TCHP: variants seen among roughly 807,000 people sequenced by gnomAD.
TCHP encodes the protein trichoplein keratin filament binding.
TCHP carries 81 observed loss-of-function variants against 88.7 expected under a neutral mutation model. The observed-to-expected ratio is 0.91, with a 90% CI of 0.76 to 1.10. The LOEUF is 1.10. Among genes scored for constraint, TCHP ranks in the 50% least tolerant of loss-of-function variants. The pLI is 0.00. For synonymous variants in TCHP, 232 were observed against 232.5 expected, an observed-to-expected ratio of 1.00 and a Z score of 0.02; for missense variants, 641 against 632.1, an observed-to-expected ratio of 1.01 and a Z score of -0.15.
At position 109,915,478 on chromosome 12, in the gene TCHP, G is replaced by A. The variant is rs771666419; in HGVS notation, c.1396G>A (p.Glu466Lys). ...EEEEEEARRVEQLSDALLQQE... is the reference protein window; with the variant it reads ...EEEEEEARRVKQLSDALLQQE... ...GGAAGAGGAGGAGGCCCGGCGGGTC[G>A]AGCAGCTCTCAGATGCCCTGCTGCA... Residue 466 changes from glutamate (E) to lysine (K), a missense_variant, in exon 12 of 13, where the codon GAG (glutamate) becomes AAG (lysine). Physicochemically the swap from Glu to Lys is moderately conservative, Grantham distance 56. Coordinates refer to ENST00000405876, the MANE Select transcript of TCHP (RefSeq NM_001143852.2). 5 of 1,613,950 alleles carry A rather than the reference G, an allele frequency of 3.1e-6. No individual in the cohort carries two copies. The highest frequency in any genetic ancestry group is 4.5e-5 in the East Asian group (2 of 44,890).
At position 109,911,129 on chromosome 12, in the gene TCHP, GC is replaced by G. The variant is rs1402363187; in HGVS notation, c.948del (p.Arg317GlyfsTer12). ...GGACGAGAGCCAGCGCCTCCACCTG[GC>G]CAGGCGGGAGCAGGTCATGGCCGAT... ...KEDESQRLHL[A>X]RREQVMADVA... On this transcript the variant is annotated frameshift_variant, in exon 9 of 13. Coordinates refer to ENST00000405876, the MANE Select transcript of TCHP (RefSeq NM_001143852.2). LOFTEE classifies it high-confidence loss of function. The G allele has an allele frequency of 6.3e-7, 1 of 1,597,124 alleles. No individual in the cohort carries two copies.
At position 109,905,762 on chromosome 12, in the gene TCHP, G is replaced by T. The variant is rs560894041; in HGVS notation, c.457-810G>T. 3.3e-5 allele frequency among the ~76,000 whole-genome samples: 5 copies of T among 152,348 alleles called. No individual in the cohort carries two copies. The East Asian group carries it at 9.6e-4, about 29-fold the overall frequency. On this transcript the variant is annotated intron_variant, in intron 4 of 12. Transcript: ENST00000405876. The surrounding 1 kb of genome is among the most constrained non-coding windows in gnomAD (Gnocchi z 4.0). The stretch of plus-strand genomic sequence containing the variant: ...CACTAATCTGTGGGAGGACTCCTTA[G>T]CCCTGTTGGCTTCGGTGGAATCATC...
intron 1 of TCHP, chr12:109,900,940 T>A (rs1869753874): frequency 6.6e-6 from 1 of 152,266 alleles, no homozygotes; most frequent in South Asian, 2.1e-4. Context: ...AGCTTTTGGG[T>A]CAGGGGAATT....
chr12:109,914,613 G>A lies in TCHP; in HGVS notation c.1306G>A (p.Glu436Lys), dbSNP rs769119432. ...SEKLKSARKQ[E>K]LEAQVAERRL... Reference sequence around the variant, plus strand: ...AAAGCTGAAATCGGCCAGGAAGCAGGAGCTGGAAGCCCAGGTAGGGCTGAG... The same window carrying A: ...AAAGCTGAAATCGGCCAGGAAGCAGAAGCTGGAAGCCCAGGTAGGGCTGAG... Residue 436 changes from glutamate to lysine, a missense_variant, in exon 11 of 13, where the codon GAG becomes AAG. Physicochemically the swap from Glu to Lys is moderately conservative, Grantham distance 56. Transcript: ENST00000405876. 50 of 1,611,432 alleles carry A rather than the reference G, an allele frequency of 3.1e-5. 1 individual carries two copies. In the South Asian group the frequency reaches 5.3e-4, roughly 17 times the overall value.
In TCHP at chr12:109,907,553, A is replaced by G; in HGVS notation, c.553A>G (p.Lys185Glu). 6.2e-7 allele frequency: 1 copy of G among 1,614,250 alleles called. No individual in the cohort carries two copies. The highest frequency in any genetic ancestry group is 8.5e-7 in the Non-Finnish European group (1 of 1,180,046). Reference protein sequence around the residue: ...QQEATAEQENKRYENEYERAR... With the variant: ...QQEATAEQENERYENEYERAR... The stretch of plus-strand genomic sequence containing the variant: ...AGAAGCCACCGCAGAGCAAGAGAAC[A>G]AACGGTATGAAAATGAATATGAAAG... The change falls in exon 6 of 13, where the codon AAA (lysine) becomes GAA (glutamate). Residue 185 changes from lysine to glutamate, a missense_variant. Physicochemically the swap from Lys to Glu is moderately conservative, Grantham distance 56. Coordinates refer to ENST00000405876, the MANE Select transcript of TCHP (RefSeq NM_001143852.2).
At chr12:109,881,027 TCA>T in the TCHP span, among the ~76,000 whole-genome samples, 1 of 152,186 alleles carries the variant, frequency 6.6e-6, no homozygotes, top group Non-Finnish European at 1.5e-5. Flanking sequence ...ACTGCTGAAG[TCA>T]CAGTCTAACT....
upstream of TCHP, among the ~76,000 whole-genome samples, chr12:109,895,885 G>A (rs1045187685): frequency 2.0e-5 from 3 of 152,108 alleles, no homozygotes; most frequent in Non-Finnish European, 4.4e-5. Flanking sequence ...CCCCCTGCAC[G>A]CCGTAGTCAT....
At position 109,907,036 on chromosome 12, in the gene TCHP, C is replaced by T. The variant is rs576766679; in HGVS notation, c.525+396C>T. ...TCCCGAGTAGCTAGGACCACAGGTA[C>T]GCACCACTGCGCCCAGCTAATTTTT... is the stretch of plus-strand genomic sequence containing the variant. On this transcript the variant is annotated intron_variant, in intron 5 of 12. Transcript: ENST00000405876. 7.9e-5 allele frequency among the ~76,000 whole-genome samples: 12 copies of T among 152,258 alleles called. No homozygotes were observed. In the South Asian group the frequency reaches 2.1e-3, roughly 26 times the overall value.
chr12:109,914,976 C>T (rs1000649468), intron 11 of TCHP: 17 of 390,430 alleles, frequency 4.4e-5, no homozygotes, highest in South Asian at 2.7e-4. Context: ...GAGCTTTTCA[C>T]GAGGTACACG....
chr12:109,907,108 G>A (rs1362366953), intron 5 of TCHP, among the ~76,000 whole-genome samples: 1 of 152,162 alleles, frequency 6.6e-6, no homozygotes, highest in East Asian at 1.9e-4. Context: ...AGGCTGGTCT[G>A]GCCTCCTGGC....
In TCHP at chr12:109,913,007, A is replaced by G. The variant is rs1450121145; in HGVS notation, c.1069A>G (p.Met357Val). 6.2e-7 allele frequency: 1 copy of G among 1,613,558 alleles called. No homozygotes were observed. ...QMLLREEAKE[M>V]WEKREAEWAR... ...TTTGCCCAGGGAGGAGGCCAAGGAG[A>G]TGTGGGAAAAGAGAGAGGCAGAGTG... is the stretch of plus-strand genomic sequence containing the variant. Residue 357 changes from methionine (M) to valine (V), a missense_variant, in exon 10 of 13, where the codon ATG (methionine) becomes GTG (valine). Physicochemically the swap from Met to Val is conservative, Grantham distance 21. Transcript: ENST00000405876.
rs767278590 is a variant in TCHP at position 109,903,236 on chromosome 12, A to G, written c.188+22A>G. 6.3e-7 allele frequency: 1 copy of G among 1,596,264 alleles called. No individual in the cohort carries two copies. The highest frequency in any genetic ancestry group is 8.6e-7 in the Non-Finnish European group (1 of 1,167,300). ...GGAGGTAATTGTGCGGTAACTGCCG[A>G]TTGGATGGAAGTGGGGACCACTTGC... On this transcript the variant is annotated intron_variant, in intron 2 of 12. Coordinates refer to ENST00000405876, the MANE Select transcript of TCHP (RefSeq NM_001143852.2). The surrounding 1 kb of genome is among the most constrained non-coding windows in gnomAD (Gnocchi z 4.6).
intron 10 of TCHP, 75 bp downstream of exon 10, chr12:109,913,147 C>A: frequency 7.4e-7 from 1 of 1,344,418 alleles, no homozygotes; most frequent in African/African-American, 1.4e-5. Context: ...GTCAGTCACC[C>A]TGCCAGATGC....
upstream of TCHP, among the ~76,000 whole-genome samples, chr12:109,899,358 G>A (rs1869655904): frequency 6.6e-6 from 1 of 152,030 alleles, no homozygotes; most frequent in Non-Finnish European, 1.5e-5. Flanking sequence ...GAAAGTTATC[G>A]GCCGGGTGCA....
chr12:109,908,807 T>C, intron 7 of TCHP, 64 bp from the exon 8 acceptor site: 1 of 1,592,912 alleles, frequency 6.3e-7, no homozygotes, highest in South Asian at 1.1e-5. Flanking sequence ...GGTCAGCAGT[T>C]ATCTAACTTC....
At chr12:109,882,429 A>G in the TCHP span, among the ~76,000 whole-genome samples, 1 of 100,872 alleles carries the variant, frequency 9.9e-6, no homozygotes, top group Non-Finnish European at 1.8e-5. Flanking sequence ...GACTCCGTCT[A>G]AAAAAAAAAA....
At chr12:109,892,533 C>T in the TCHP span, among the ~76,000 whole-genome samples, 8 of 152,170 alleles carry the variant, frequency 5.3e-5, no homozygotes, top group Admixed American at 1.3e-4. Flanking sequence ...TGGAACTGCT[C>T]TGATGTGGTC....
chr12:109,883,065 A>G, the TCHP span, among the ~76,000 whole-genome samples: 2 of 145,990 alleles, frequency 1.4e-5, no homozygotes, highest in African/African-American at 2.6e-5. Context: ...GAGAGACAGG[A>G]TCTCACTCTG....
chr12:109,907,473 T>G, intron 5 of TCHP, 53 bp from the exon 6 acceptor site: 2 of 1,567,996 alleles, frequency 1.3e-6, no homozygotes, highest in South Asian at 1.2e-5. Context: ...GAAGCTAGGT[T>G]TTTGTTGGCT....
Sources: allele counts gnomAD v4.1 joint callset (sites outside exome capture counted in the v4.1 genomes callset), GRCh38; gene constraint gnomAD v4.1.1; non-coding constraint Gnocchi (gnomAD v3.1); transcripts MANE v1.5; gene names NCBI Gene and HGNC (gene_info 2026-07-23, HGNC 2026-07-21).